PTPRG: variants seen among roughly 807,000 people sequenced by gnomAD.
The protein encoded by PTPRG is protein tyrosine phosphatase receptor type G, also known as receptor-type tyrosine-protein phosphatase gamma.
A neutral mutation model predicts 165.3 loss-of-function variants in PTPRG; 102 were observed. The ratio of observed to expected loss-of-function variants is 0.62; its 90% CI spans 0.53 to 0.73. The LOEUF is 0.73. Ranked by LOEUF, PTPRG falls within the 30% of genes least tolerant of loss-of-function variation. The pLI, the probability that PTPRG is intolerant of heterozygous loss-of-function variation, is 0.00. For synonymous variants in PTPRG, 675 were observed against 669.5 expected, an observed-to-expected ratio of 1.01 and a Z score of -0.13; for missense variants, 1,866 against 1,861.4, an observed-to-expected ratio of 1.00 and a Z score of -0.05.
intron 2 of PTPRG, among the ~76,000 whole-genome samples, chr3:61,979,885 G>A (rs1559726113): frequency 6.6e-6 from 1 of 152,064 alleles, no homozygotes; most frequent in East Asian, 1.9e-4. Flanking sequence ...TCCACACCAG[G>A]CCCCTGTGCT....
intron 8 of PTPRG, among the ~76,000 whole-genome samples, chr3:62,176,169 G>A (rs1334845562): frequency 6.6e-6 from 1 of 152,092 alleles, no homozygotes; most frequent in Admixed American, 6.5e-5. Flanking sequence ...TCGCAGGTTG[G>A]ATGAGGATGA....
intron 7 of PTPRG, among the ~76,000 whole-genome samples, chr3:62,164,091 A>G (rs890962910): frequency 3.3e-5 from 5 of 152,238 alleles, no homozygotes; most frequent in African/African-American, 1.2e-4. Flanking sequence ...CAGATTACGG[A>G]CCAAACATCG....
chr3:61,755,157 GC>G (rs2033591614), intron 2 of PTPRG, among the ~76,000 whole-genome samples: 1 of 152,116 alleles, frequency 6.6e-6, no homozygotes, highest in South Asian at 2.1e-4. Context: ...ACAGGCATGT[GC>G]CACCACGCCC....
At chr3:62,173,899 G>A (rs1164805905) in intron 8 of PTPRG, among the ~76,000 whole-genome samples, 1 of 152,178 alleles carries the variant, frequency 6.6e-6, no homozygotes, top group African/African-American at 2.4e-5. Context: ...GGCCCCTTAA[G>A]AAAGAAGTGG....
intron 2 of PTPRG, among the ~76,000 whole-genome samples, chr3:61,906,052 T>C (rs1374381642): frequency 6.6e-6 from 1 of 152,200 alleles, no homozygotes; most frequent in Non-Finnish European, 1.5e-5. Flanking sequence ...TTTTTTTAGC[T>C]CTAAAAGTAC....
At chr3:61,995,080 CTTTCTTTTTTTTT>C (rs1452101226) in intron 3 of PTPRG, among the ~76,000 whole-genome samples, 2 of 107,400 alleles carry the variant, frequency 1.9e-5, no homozygotes, top group African/African-American at 4.1e-5. Flanking sequence ...TCTTTTCTTT[CTTTCTTTTTTTTT>C]TTTTTTTTTT....
intron 1 of PTPRG, among the ~76,000 whole-genome samples, chr3:61,576,804 G>A (rs1392201587): frequency 1.3e-5 from 2 of 151,194 alleles, no homozygotes; most frequent in Non-Finnish European, 3.0e-5. Context: ...TGTTTATTCA[G>A]AAAAAAAAAT....
intron 1 of PTPRG, among the ~76,000 whole-genome samples, chr3:61,632,907 T>C (rs6798848): frequency 0.22 from 34,188 of 152,118 alleles, 5,650 homozygotes; most frequent in African/African-American, 0.47. Flanking sequence ...TCTGTCTTTC[T>C]TCCAGGACTA....
chr3:61,848,885 A>T (rs552385064), intron 2 of PTPRG, among the ~76,000 whole-genome samples: 1 of 152,230 alleles, frequency 6.6e-6, no homozygotes, highest in Non-Finnish European at 1.5e-5. Flanking sequence ...AGGTAATTCA[A>T]TTCATCTTCA....
intron 3 of PTPRG, among the ~76,000 whole-genome samples, chr3:61,999,385 A>G (rs2041116772): frequency 6.6e-6 from 1 of 152,118 alleles, no homozygotes; most frequent in South Asian, 2.1e-4. Context: ...CCCATTCACG[A>G]GGGTTCCACC....
chr3:61,787,245 C>A (rs1214898886), intron 2 of PTPRG, among the ~76,000 whole-genome samples: 1 of 152,134 alleles, frequency 6.6e-6, no homozygotes, highest in African/African-American at 2.4e-5. Context: ...TTCCTGATGG[C>A]CTTTTAATGT....
chr3:61,734,216 T>G (rs1218264663), intron 1 of PTPRG, among the ~76,000 whole-genome samples: 1 of 152,250 alleles, frequency 6.6e-6, no homozygotes, highest in Non-Finnish European at 1.5e-5. Flanking sequence ...CACTGGTTCT[T>G]GAATAAACCT....
chr3:61,829,556 T>C (rs537762133), intron 2 of PTPRG, among the ~76,000 whole-genome samples: 4 of 152,376 alleles, frequency 2.6e-5, no homozygotes, highest in South Asian at 4.1e-4. Context: ...AAGCAAATAC[T>C]GTCCAACCCT....
At chr3:61,853,849 C>T (rs1037131063) in intron 2 of PTPRG, among the ~76,000 whole-genome samples, 3 of 152,134 alleles carry the variant, frequency 2.0e-5, no homozygotes, top group Non-Finnish European at 2.9e-5. Flanking sequence ...CTTCTCTGGG[C>T]TCTAGGAATG....
At chr3:61,667,102 G>A (rs1702830853) in intron 1 of PTPRG, among the ~76,000 whole-genome samples, 1 of 152,132 alleles carries the variant, frequency 6.6e-6, no homozygotes, top group African/African-American at 2.4e-5. Context: ...AATTGCTTTA[G>A]GATGGGCTTG....
intron 2 of PTPRG, among the ~76,000 whole-genome samples, chr3:61,888,794 G>A (rs2038127961): frequency 6.6e-6 from 1 of 152,082 alleles, no homozygotes; most frequent in South Asian, 2.1e-4. Flanking sequence ...ATCATACATT[G>A]CATTTTGTTG....
chr3:61,672,000 A>G (rs113328603), intron 1 of PTPRG, among the ~76,000 whole-genome samples: 11,865 of 36,244 alleles, frequency 0.33, 864 homozygotes, highest in Middle Eastern at 0.34. Context: ...CTCACTTCTC[A>G]GACGGGGCGG....
intron 14 of PTPRG, among the ~76,000 whole-genome samples, chr3:62,238,569 G>T (rs1701082456): frequency 6.6e-6 from 1 of 152,050 alleles, no homozygotes; most frequent in Admixed American, 6.6e-5. Flanking sequence ...TCTCACAGTG[G>T]TTCATAATTG....
At chr3:61,641,575 A>G (rs965080276) in intron 1 of PTPRG, among the ~76,000 whole-genome samples, 2 of 152,126 alleles carry the variant, frequency 1.3e-5, no homozygotes, top group Admixed American at 1.3e-4. Context: ...AAATGTTTCC[A>G]ATTCATTTAA....
Sources: gnomAD v4.1 joint callset for allele counts (sites outside exome capture counted in the v4.1 genomes callset) on GRCh38, gnomAD v4.1.1 for gene constraint, MANE v1.5 for transcripts, NCBI Gene and HGNC (gene_info 2026-07-23, HGNC 2026-07-21) for gene names.